The following VPS13B variants were observed in gnomAD, a reference collection of about 807,000 sequenced individuals.
The protein encoded by VPS13B is intermembrane lipid transfer protein VPS13B.
Under a neutral mutation model 426.4 loss-of-function variants are expected in VPS13B, and 285 were observed. That is an observed-to-expected ratio of 0.67 (90% CI 0.61 to 0.74). The LOEUF (loss-of-function observed/expected upper bound fraction) is 0.74, where lower values mean the gene tolerates loss of function less well. Ranked by LOEUF, VPS13B falls within the 30% of genes least tolerant of loss-of-function variation. The pLI, the probability that VPS13B is intolerant of heterozygous loss-of-function variation, is 0.00. For synonymous variants in VPS13B, 1,676 were observed against 1,676.4 expected, an observed-to-expected ratio of 1.00 and a Z score of 0.01; for missense variants, 4,537 against 4,782.6, an observed-to-expected ratio of 0.95 and a Z score of 1.51.
intron 35 of VPS13B, among the ~76,000 whole-genome samples, chr8:99,664,998 A>C (rs1467368479): frequency 6.6e-6 from 1 of 152,126 alleles, no homozygotes; most frequent in Non-Finnish European, 1.5e-5. Flanking sequence ...TGACTTTTTA[A>C]TGATCACCAT....
chr8:99,845,385 T>G (rs1815930425), intron 54 of VPS13B, among the ~76,000 whole-genome samples: 1 of 152,150 alleles, frequency 6.6e-6, no homozygotes, highest in South Asian at 2.1e-4. Context: ...AGAAGAATGA[T>G]TAACAACTTC....
intron 30 of VPS13B, among the ~76,000 whole-genome samples, chr8:99,547,362 TATGGAGACTTGGTGATAA>T (rs1247493694): frequency 2.6e-5 from 4 of 152,070 alleles, no homozygotes. Flanking sequence ...TACTGTCACT[TATGGAGACTTGGTGATAA>T]ATATGTAGAC....
intron 19 of VPS13B, among the ~76,000 whole-genome samples, chr8:99,372,017 C>T (rs971419076): frequency 2.6e-5 from 4 of 151,904 alleles, no homozygotes; most frequent in East Asian, 1.9e-4. Context: ...TTTGGGAGGC[C>T]GAGGCGGGCG....
intron 23 of VPS13B, 27 bp downstream of exon 23, chr8:99,442,662 G>T (rs1210703781): frequency 6.2e-7 from 1 of 1,600,158 alleles, no homozygotes; most frequent in Admixed American, 1.7e-5. Context: ...TTTTCCTATG[G>T]TTAATGTTTT....
At chr8:99,551,786 A>G (rs1453268436) in intron 30 of VPS13B, among the ~76,000 whole-genome samples, 2 of 151,876 alleles carry the variant, frequency 1.3e-5, no homozygotes, top group South Asian at 2.1e-4. Context: ...TTCTCATCAC[A>G]ATTTAGACAT....
intron 12 of VPS13B, among the ~76,000 whole-genome samples, chr8:99,138,260 G>A (rs1408394700): frequency 6.6e-6 from 1 of 152,190 alleles, no homozygotes; most frequent in African/African-American, 2.4e-5. Context: ...CTAAGTGGCT[G>A]GGACTACAGG....
chr8:99,328,459 T>C (rs1242364856), intron 19 of VPS13B, among the ~76,000 whole-genome samples: 1 of 152,124 alleles, frequency 6.6e-6, no homozygotes, highest in East Asian at 1.9e-4. Context: ...GGAAAACAGA[T>C]ATGAAGTAGG....
intron 42 of VPS13B, 65 bp from the exon 43 acceptor site, chr8:99,784,250 G>A: frequency 1.9e-6 from 3 of 1,608,126 alleles, no homozygotes; most frequent in Non-Finnish European, 2.6e-6. Context: ...CCACTGGGCA[G>A]ACAGCTGCCA....
chr8:99,580,490 G>A (rs1184041916), intron 33 of VPS13B, among the ~76,000 whole-genome samples: 1 of 151,718 alleles, frequency 6.6e-6, no homozygotes, highest in Non-Finnish European at 1.5e-5. Flanking sequence ...ACCACACCTG[G>A]CCTAATGTAG....
intron 24 of VPS13B, among the ~76,000 whole-genome samples, chr8:99,474,331 G>A (rs1819580219): frequency 1.3e-5 from 2 of 151,884 alleles, no homozygotes; most frequent in South Asian, 4.2e-4. Context: ...TGGGATCACA[G>A]GTGTGTGCCA....
intron 3 of VPS13B, among the ~76,000 whole-genome samples, chr8:99,056,004 G>A (rs1412420459): frequency 6.6e-6 from 1 of 150,436 alleles, no homozygotes; most frequent in Non-Finnish European, 1.5e-5. Flanking sequence ...TCCTCCCAAG[G>A]TGCTGGGATT....
At chr8:99,205,313 A>G (rs941687710) in intron 17 of VPS13B, among the ~76,000 whole-genome samples, 8 of 152,088 alleles carry the variant, frequency 5.3e-5, no homozygotes, top group Non-Finnish European at 8.8e-5. Context: ...ATGGAAACAC[A>G]TGGACACAGG....
chr8:99,555,213 C>T (rs1824490547), intron 30 of VPS13B, among the ~76,000 whole-genome samples: 1 of 152,130 alleles, frequency 6.6e-6, no homozygotes, highest in Admixed American at 6.6e-5. Flanking sequence ...CTGGCCCAGA[C>T]ACCCGTTGTC....
At chr8:99,357,568 C>G (rs1812246155) in intron 19 of VPS13B, among the ~76,000 whole-genome samples, 1 of 152,042 alleles carries the variant, frequency 6.6e-6, no homozygotes, top group Non-Finnish European at 1.5e-5. Flanking sequence ...ATTAAACAGC[C>G]ATTTATTTTA....
intron 21 of VPS13B, among the ~76,000 whole-genome samples, chr8:99,417,858 G>A (rs1341671069): frequency 6.6e-6 from 1 of 151,742 alleles, no homozygotes; most frequent in Non-Finnish European, 1.5e-5. Flanking sequence ...TTGAGATCTA[G>A]GTAGACTGTA....
intron 21 of VPS13B, among the ~76,000 whole-genome samples, chr8:99,397,292 C>T (rs192951129): frequency 6.6e-6 from 1 of 152,086 alleles, no homozygotes; most frequent in Non-Finnish European, 1.5e-5. Context: ...ACTACAGGCA[C>T]GTGCCACATG....
intron 19 of VPS13B, chr8:99,346,118 G>A (rs1193798744): frequency 6.6e-6 from 1 of 152,278 alleles, no homozygotes; most frequent in African/African-American, 2.4e-5. Context: ...CATTGAATCA[G>A]GGTCTTGTAG....
At chr8:99,369,756 G>A (rs1813080903) in intron 19 of VPS13B, among the ~76,000 whole-genome samples, 1 of 152,168 alleles carries the variant, frequency 6.6e-6, no homozygotes, top group African/African-American at 2.4e-5. Flanking sequence ...CATCAAATAT[G>A]AGGAGTTTCA....
At chr8:99,705,192 A>G (rs905519998) in intron 36 of VPS13B, among the ~76,000 whole-genome samples, 1 of 152,132 alleles carries the variant, frequency 6.6e-6, no homozygotes, top group Non-Finnish European at 1.5e-5. Context: ...ATTTTTGACT[A>G]TGATATATCT....
Sources: gnomAD v4.1 joint callset for allele counts (sites outside exome capture counted in the v4.1 genomes callset) on GRCh38, gnomAD v4.1.1 for gene constraint, MANE v1.5 for transcripts, NCBI Gene and HGNC (gene_info 2026-07-23, HGNC 2026-07-21) for gene names.